Variants in MYBPC1 observed in about 807,000 individuals in gnomAD.
The protein encoded by MYBPC1 is myosin-binding protein C, slow-type.
Under a neutral mutation model 147.1 loss-of-function variants are expected in MYBPC1, and 52 were observed. The observed-to-expected ratio is 0.35, with a 90% confidence interval of 0.28 to 0.45. The LOEUF (loss-of-function observed/expected upper bound fraction) is 0.45. Ranked by LOEUF, MYBPC1 falls within the 20% of genes least tolerant of loss-of-function variation. MYBPC1 has a pLI of 1.00. For synonymous variants in MYBPC1, 477 were observed against 475.9 expected (o/e 1.00, Z -0.03); for missense variants, 1,228 against 1,440.3 (o/e 0.85, Z 2.39).
intron 3 of MYBPC1, among the ~76,000 whole-genome samples, chr12:101,624,164 T>C (rs577778025): frequency 6.6e-6 from 1 of 152,132 alleles, no homozygotes; most frequent in South Asian, 2.1e-4. Context: ...GAGAGCTTCC[T>C]GTTAAGAATC....
At chr12:101,644,630 T>C in intron 11 of MYBPC1, 34 bp from the exon 12 acceptor site, 1 of 1,575,474 alleles carries the variant, frequency 6.3e-7, no homozygotes, top group Non-Finnish European at 8.7e-7. Flanking sequence ...TGTATACATA[T>C]ATTAACATAC....
In MYBPC1 at chr12:101,597,973, A is replaced by C. The variant is rs183526097; in HGVS notation, c.25+2878A>C. On this transcript the variant is annotated intron_variant, in intron 1 of 31. Coordinates refer to ENST00000361466, the MANE Select transcript of MYBPC1 (RefSeq NM_002465.4). ...AATTGAGTACAAGTAAGTGCCCGAA[A>C]GTTAATTGCCCCCGGTTCCTACTGT... Among the ~76,000 whole-genome samples the C allele has an allele frequency of 1.3e-3, 200 of 151,462 alleles. 1 individual carries two copies. Among genetic ancestry groups the C allele is most frequent in the African/African-American group, 4.5e-3 (186 of 41,284 alleles).
At chr12:101,690,648 G>A (rs138808357), downstream of MYBPC1, among the ~76,000 whole-genome samples, 7 of 152,314 alleles carry the variant, frequency 4.6e-5, no homozygotes, top group East Asian at 1.9e-4. Flanking sequence ...GCTAAGAACC[G>A]TGTCTCTGAA....
intron 11 of MYBPC1, 39 bp from the exon 12 acceptor site, chr12:101,644,625 A>G (rs1892687702): frequency 4.5e-6 from 7 of 1,552,618 alleles, no homozygotes; most frequent in South Asian, 2.2e-5. Flanking sequence ...GCATATGTAT[A>G]CATATATTAA....
chr12:101,689,127 C>T (rs182813782), downstream of MYBPC1, among the ~76,000 whole-genome samples: 29 of 152,216 alleles, frequency 1.9e-4, no homozygotes, highest in Admixed American at 1.8e-3. Flanking sequence ...TCGTTATTGT[C>T]AATGTGTGTA....
intron 1 of MYBPC1, among the ~76,000 whole-genome samples, chr12:101,611,816 C>T (rs950047758): frequency 2.6e-5 from 4 of 152,272 alleles, no homozygotes; most frequent in Middle Eastern, 3.4e-3. Flanking sequence ...CAGTGGCTCA[C>T]GCCTGTAATC....
intron 1 of MYBPC1, among the ~76,000 whole-genome samples, chr12:101,610,407 C>T (rs766586794): frequency 6.6e-6 from 1 of 152,152 alleles, no homozygotes; most frequent in South Asian, 2.1e-4. Flanking sequence ...CAGATGCTTC[C>T]TCAGTCCCCA....
At chr12:101,625,175 T>C (rs1593743451) in intron 3 of MYBPC1, among the ~76,000 whole-genome samples, 1 of 143,044 alleles carries the variant, frequency 7.0e-6, no homozygotes, top group East Asian at 2.3e-4. Flanking sequence ...CTGTAACTTA[T>C]AGTTCCCTTA....
intron 25 of MYBPC1, among the ~76,000 whole-genome samples, chr12:101,673,999 G>A (rs192568115): frequency 3.0e-4 from 46 of 152,300 alleles, no homozygotes; most frequent in Admixed American, 3.9e-4. Context: ...GTTGCAGTGA[G>A]CTGAGATCAT....
chr12:101,678,367 A>G, intron 28 of MYBPC1, 129 bp downstream of exon 28: 9 of 1,334,994 alleles, frequency 6.7e-6, no homozygotes, highest in Non-Finnish European at 8.5e-6. Flanking sequence ...AGAAGGTGGT[A>G]GTGGTGGTAG....
intron 25 of MYBPC1, among the ~76,000 whole-genome samples, chr12:101,674,357 AT>A (rs138789297): frequency 9.9e-5 from 15 of 152,162 alleles, no homozygotes; most frequent in South Asian, 4.2e-4. Flanking sequence ...AGAATGAAGA[AT>A]TTTTTTTAAT....
intron 9 of MYBPC1, among the ~76,000 whole-genome samples, 162 bp downstream of exon 9, chr12:101,634,767 G>T (rs1461475378): frequency 6.6e-6 from 1 of 152,050 alleles, no homozygotes; most frequent in African/African-American, 2.4e-5. Context: ...AAAAACCATG[G>T]GTTTAAGGCC....
intron 12 of MYBPC1, 146 bp from the exon 13 acceptor site, chr12:101,646,617 C>A: frequency 1.1e-6 from 1 of 899,840 alleles, no homozygotes; most frequent in Non-Finnish European, 1.7e-6. Context: ...CCTGCCTGTG[C>A]AACAGAGCAA....
Position 101,617,524 on chromosome 12 carries a change from T to C in MYBPC1, c.103+281T>C, listed in dbSNP as rs1018685087. Among the ~76,000 whole-genome samples, 60 of 152,206 alleles carry C rather than the reference T, an allele frequency of 3.9e-4. 1 individual carries two copies. Among genetic ancestry groups the C allele is most frequent in the Non-Finnish European group, 1.2e-4 (8 of 68,030 alleles). On this transcript the variant is annotated intron_variant, in intron 3 of 31. Transcript: ENST00000361466. ...GGTAGTTTCCAAGTTTCGACATGCA[T>C]GCTAAGAAAGAGAGGTGTTTGGTCT...
intron 3 of MYBPC1, among the ~76,000 whole-genome samples, chr12:101,617,992 GTA>G: frequency 6.6e-6 from 1 of 152,166 alleles, no homozygotes; most frequent in East Asian, 1.9e-4. Context: ...CAGCTTTGCT[GTA>G]TATGTTTGTA....
rs1236683378 is a variant in MYBPC1 at position 101,685,744 on chromosome 12, A to G, written c.*182A>G. ...CTTTGAAATCTGGTTGAAATGAGAAAAAGCATTTTCTGTTTTCCCACCAGG... is the reference window on the plus strand; with the variant it reads ...CTTTGAAATCTGGTTGAAATGAGAAGAAGCATTTTCTGTTTTCCCACCAGG... On this transcript the variant is annotated 3_prime_UTR_variant, in exon 32 of 32. Coordinates refer to ENST00000361466, the MANE Select transcript of MYBPC1 (RefSeq NM_002465.4). 1 of 1,262,504 alleles carries G rather than the reference A, an allele frequency of 7.9e-7. No individual in the cohort carries two copies. Among genetic ancestry groups the G allele is most frequent in the Non-Finnish European group, 1.1e-6 (1 of 924,914 alleles). The allele number at this position is 1,262,504 out of a possible 1,614,324, so 78.2% of individuals were successfully genotyped here. A position where few individuals can be genotyped will look rare whatever the true frequency, so the allele number is the denominator to read the frequency against.
chr12:101,630,258 G>A (rs1889615616), intron 6 of MYBPC1, among the ~76,000 whole-genome samples: 1 of 152,106 alleles, frequency 6.6e-6, no homozygotes, highest in Admixed American at 6.5e-5. Flanking sequence ...ATTCCACTGT[G>A]TGTATACACT....
At chr12:101,667,399 A>G (rs752388643) in intron 22 of MYBPC1, among the ~76,000 whole-genome samples, 2 of 152,372 alleles carry the variant, frequency 1.3e-5, no homozygotes, top group Non-Finnish European at 2.9e-5. Context: ...ATGAATCATT[A>G]TAAAACCAAA....
intron 20 of MYBPC1, 75 bp downstream of exon 20, chr12:101,661,337 AT>A: frequency 1.1e-6 from 1 of 892,748 alleles, no homozygotes; most frequent in Non-Finnish European, 1.8e-6. Context: ...TACAGAGCAC[AT>A]TTTAAAGTAT....
Sources: gnomAD v4.1 joint callset for allele counts (sites outside exome capture counted in the v4.1 genomes callset) on GRCh38, gnomAD v4.1.1 for gene constraint, MANE v1.5 for transcripts, NCBI Gene and HGNC (gene_info 2026-07-23, HGNC 2026-07-21) for gene names.